RAB4A: variants seen among roughly 807,000 people sequenced by gnomAD.
The protein encoded by RAB4A is RAB4A, member RAS oncogene family.
A neutral mutation model predicts 34.5 loss-of-function variants in RAB4A; 20 were observed. That is an observed-to-expected ratio of 0.58 (90% CI 0.41 to 0.84). The LOEUF (loss-of-function observed/expected upper bound fraction) is 0.84. Among genes scored for constraint, RAB4A ranks in the 40% least tolerant of loss-of-function variants. The pLI, the probability that RAB4A is intolerant of heterozygous loss-of-function variation, is 0.00. For missense variants in RAB4A, 228 were observed against 274.5 expected (o/e 0.83, Z 1.20); for synonymous variants, 102 against 100.0 (o/e 1.02, Z -0.12).
intron 6 of RAB4A, among the ~76,000 whole-genome samples, chr1:229,302,278 TATATATATATATATATATATATATA>T (rs1657410679): frequency 1.5e-3 from 35 of 22,860 alleles, no homozygotes; most frequent in East Asian, 3.4e-3. Flanking sequence ...TATATATATA[TATATATATATATATATATATATATA>T]TATATATTTT....
chr1:229,271,645 CT>C (rs1265267343), intron 1 of RAB4A, among the ~76,000 whole-genome samples: 1 of 152,214 alleles, frequency 6.6e-6, no homozygotes, highest in Non-Finnish European at 1.5e-5. Context: ...TTTCTCTGCT[CT>C]TGCACTCTTA....
intron 1 of RAB4A, 113 bp from the exon 2 acceptor site, chr1:229,286,373 C>T: frequency 1.6e-6 from 1 of 640,590 alleles, no homozygotes. Context: ...ACTCAGTTAC[C>T]TCTTTTTCCT....
At chr1:229,280,935 C>T (rs1021571751) in intron 1 of RAB4A, among the ~76,000 whole-genome samples, 2 of 152,100 alleles carry the variant, frequency 1.3e-5, no homozygotes, top group Non-Finnish European at 2.9e-5. Flanking sequence ...AGATACATTC[C>T]AGGTTATTGC....
chr1:229,289,185 A>G (rs1371421779), intron 3 of RAB4A: 1 of 190,126 alleles, frequency 5.3e-6, no homozygotes, highest in Non-Finnish European at 1.1e-5. Context: ...TTTTTTAAAG[A>G]AGAACTTTTT....
intron 3 of RAB4A, among the ~76,000 whole-genome samples, chr1:229,289,439 C>T (rs1229882027): frequency 6.6e-6 from 1 of 152,188 alleles, no homozygotes; most frequent in Non-Finnish European, 1.5e-5. Flanking sequence ...AACTGATATT[C>T]ATAGTTTTAT....
chr1:229,278,825 GC>G (rs2102835875), intron 1 of RAB4A, among the ~76,000 whole-genome samples: 1 of 152,284 alleles, frequency 6.6e-6, no homozygotes, highest in Admixed American at 6.5e-5. Context: ...TTAGGATTTT[GC>G]CCCCACCTGA....
intron 2 of RAB4A, among the ~76,000 whole-genome samples, chr1:229,288,372 G>A (rs973435747): frequency 1.3e-5 from 2 of 152,176 alleles, no homozygotes; most frequent in East Asian, 3.8e-4. Flanking sequence ...GTCACTGGGC[G>A]TTATGCCCTT....
rs116766279 is a variant in RAB4A, at chr1:229,299,319, G to T, written c.541+247G>T. Among the ~76,000 whole-genome samples, 1,224 of 152,322 alleles carry T rather than the reference G, an allele frequency of 8.0e-3. 12 individuals are homozygous for T. Among genetic ancestry groups the T allele is most frequent in the Non-Finnish European group, 0.014 (941 of 68,032 alleles). On this transcript the variant is annotated intron_variant, in intron 6 of 7. Transcript: ENST00000366690. ...ACACCAGCTCAGCTGTGGAAAGGTA[G>T]TCAAGGTTTCAGGGAGTGTTTGCAT...
intron 1 of RAB4A, among the ~76,000 whole-genome samples, chr1:229,276,054 A>G (rs1033199357): frequency 6.6e-6 from 1 of 151,502 alleles, no homozygotes; most frequent in African/African-American, 2.5e-5. Context: ...CAACAAAGGA[A>G]TCCTGTAACA....
intron 6 of RAB4A, among the ~76,000 whole-genome samples, chr1:229,300,919 G>A (rs553952035): frequency 3.3e-5 from 5 of 152,056 alleles, no homozygotes; most frequent in African/African-American, 7.2e-5. Flanking sequence ...GGAAATGGTC[G>A]GAAATGTGTG....
intron 2 of RAB4A, among the ~76,000 whole-genome samples, chr1:229,286,897 A>G (rs1656937945): frequency 6.6e-6 from 1 of 152,194 alleles, no homozygotes; most frequent in South Asian, 2.1e-4. Flanking sequence ...TACATTTTGG[A>G]TAAAATAACA....
At chr1:229,302,292 TATA>T (rs1657421221) in intron 6 of RAB4A, among the ~76,000 whole-genome samples, 5 of 24,990 alleles carry the variant, frequency 2.0e-4, no homozygotes, top group South Asian at 9.8e-4. Flanking sequence ...TATATATATA[TATA>T]TATATATATA....
At chr1:229,284,657 T>C (rs77028729) in intron 1 of RAB4A, among the ~76,000 whole-genome samples, 4,764 of 152,306 alleles carry the variant, frequency 0.031, 264 homozygotes, top group African/African-American at 0.11. Context: ...ACAGTCTTCA[T>C]GTGTATTCTG....
chr1:229,277,315 G>A (rs925212465), intron 1 of RAB4A, among the ~76,000 whole-genome samples: 12 of 150,994 alleles, frequency 7.9e-5, no homozygotes, highest in African/African-American at 2.7e-4. Flanking sequence ...TAGGTAAACC[G>A]CGGCTCCTAC....
Position 229,279,449 on chromosome 1 carries a change from C to A in RAB4A, c.32-7037C>A, listed in dbSNP as rs148253099. Among the ~76,000 whole-genome samples, 218 of 152,284 alleles carry A rather than the reference C, an allele frequency of 1.4e-3. 1 individual carries two copies. Among genetic ancestry groups the A allele is most frequent in the Admixed American group, 2.9e-3 (45 of 15,298 alleles). ...TGCCTTTGTGCCTGTAGTTCACAGT[C>A]CTACTTTAGTATATACCTTTGATCT... On this transcript the variant is annotated intron_variant, in intron 1 of 7. Transcript: ENST00000366690.
In RAB4A at chr1:229,297,569, C is replaced by T. The variant is rs1185604351; in HGVS notation, c.378C>T (p.Asn126=). ...SQNIVIILCG[N]KKDLDADREV... The stretch of plus-strand genomic sequence containing the variant: ...ACATTGTGATCATCCTTTGTGGAAA[C>T]AAGAAGGACCTGGATGCAGATCGTG... The change falls in exon 5 of 8, where the codon AAC becomes AAT. Residue 126 remains asparagine, a synonymous_variant. Transcript: ENST00000366690. 1 of 1,612,966 alleles carries T rather than the reference C, an allele frequency of 6.2e-7. No individual in the cohort carries two copies. Among genetic ancestry groups the T allele is most frequent in the East Asian group, 2.2e-5 (1 of 44,818 alleles).
chr1:229,302,902 C>T lies in RAB4A; in HGVS notation c.582C>T (p.Tyr194=), dbSNP rs551083720. The T allele has an allele frequency of 1.2e-5, 20 of 1,613,504 alleles. 1 individual carries two copies. The highest frequency in any genetic ancestry group is 1.1e-4 in the African/African-American group (8 of 74,874). The change falls in exon 7 of 8, where the codon TAC becomes TAT. Residue 194 remains tyrosine, a synonymous_variant. Transcript: ENST00000366690. ...AAAGAATGGGCTCAGGTATTCAGTA[C>T]GGAGATGCTGCCTTGAGACAGCTGA... ...DPERMGSGIQ[Y]GDAALRQLRS...
chr1:229,278,861 G>T (rs1656712320), intron 1 of RAB4A, among the ~76,000 whole-genome samples: 1 of 152,244 alleles, frequency 6.6e-6, no homozygotes, highest in African/African-American at 2.4e-5. Context: ...CACCAGAGAT[G>T]CTGATGATCA....
intron 1 of RAB4A, among the ~76,000 whole-genome samples, chr1:229,284,146 C>T (rs1362391862): frequency 1.6e-5 from 2 of 123,250 alleles, no homozygotes; most frequent in Non-Finnish European, 1.6e-5. Flanking sequence ...GTCGCCCAGG[C>T]TGGAGTGCAG....
Sources: allele counts gnomAD v4.1 joint callset (sites outside exome capture counted in the v4.1 genomes callset), GRCh38; gene constraint gnomAD v4.1.1; transcripts MANE v1.5; gene names NCBI Gene and HGNC (gene_info 2026-07-23, HGNC 2026-07-21).